Variants in PKD1 observed in about 807,000 individuals in gnomAD.
PKD1 encodes the protein polycystin-1.
Under a neutral mutation model 361.7 loss-of-function variants are expected in PKD1, and 81 were observed. The ratio of observed to expected loss-of-function variants is 0.22; its 90% CI spans 0.19 to 0.27. The LOEUF (loss-of-function observed/expected upper bound fraction) is 0.27. PKD1 is among the 10% of genes least tolerant of loss of function. The pLI is 1.00. For missense variants in PKD1, 6,399 were observed against 6,118.3 expected (o/e 1.05, Z -1.53); for synonymous variants, 3,615 against 2,818.3 (o/e 1.28, Z -8.95).
intron 1 of PKD1, among the ~76,000 whole-genome samples, chr16:2,120,442 A>G (rs941557163): frequency 2.0e-5 from 3 of 152,238 alleles, no homozygotes; most frequent in Admixed American, 1.3e-4. Flanking sequence ...GAAGAAAAGG[A>G]AACTGGGTGT....
rs533097116 is a variant in PKD1, at chr16:2,106,144, G to A, written c.7650C>T (p.Gly2550=). 16 of 1,606,746 alleles carry A rather than the reference G, an allele frequency of 1.0e-5. No individual in the cohort carries two copies. The highest frequency in any genetic ancestry group is 2.3e-4 in the Middle Eastern group (1 of 4,424). ...PPGFRPHFEV[G]LAVVVQDQLG... is the part of the protein sequence containing the mutation. ...GCTGGTCCTGCACCACCACGGCCAG[G>A]CCCACCTCGAAGTGTGGCCTGAAAC... is the stretch of plus-strand genomic sequence containing the variant. The change falls in exon 19 of 46, where the codon GGC becomes GGT. Residue 2550 remains glycine (G), a synonymous_variant. Coordinates refer to ENST00000262304, the MANE Select transcript of PKD1 (RefSeq NM_001009944.3). The surrounding 1 kb of genome is among the most constrained non-coding windows in gnomAD (Gnocchi z 6.5).
chr16:2,093,217 G>C lies in PKD1; in HGVS notation c.11017-124C>G, dbSNP rs79521529. Reference sequence around the variant, plus strand: ...GCAGGAAGGTGAGCTGGCAGGGGGCGCCCCAAGACTCTACCTGGCCAGGGT... The same window carrying C: ...GCAGGAAGGTGAGCTGGCAGGGGGCCCCCCAAGACTCTACCTGGCCAGGGT... On this transcript the variant is annotated intron_variant, in intron 37 of 45. Coordinates refer to ENST00000262304, the MANE Select transcript of PKD1 (RefSeq NM_001009944.3). 3.4e-6 allele frequency: 4 copies of C among 1,164,542 alleles called. No homozygotes were observed. In the African/African-American group the frequency reaches 6.0e-5, roughly 18 times the overall value. 72.1% of individuals were successfully genotyped at this position (1,164,542 alleles called of 1,614,324 possible).
At chr16:2,113,459 T>G (rs1035993426) in intron 11 of PKD1, 167 bp from the exon 12 acceptor site, 1 of 774,224 alleles carries the variant, frequency 1.3e-6, no homozygotes, top group African/African-American at 1.7e-5. Context: ...GCTGGGACAC[T>G]CACTGTCCGG....
intron 16 of PKD1, chr16:2,107,288 G>A (rs2092373809): frequency 2.5e-6 from 1 of 406,760 alleles, no homozygotes; most frequent in African/African-American, 2.1e-5. Flanking sequence ...TGCCACGTAG[G>A]CCTGACTCAC....
At chr16:2,132,232 A>G (rs1251099974) in intron 1 of PKD1, among the ~76,000 whole-genome samples, 1 of 150,984 alleles carries the variant, frequency 6.6e-6, no homozygotes, top group Non-Finnish European at 1.5e-5. Flanking sequence ...CCTGGGCAAC[A>G]AGAGCGAAAC....
rs1039241145 is a variant in PKD1 at position 2,118,323 on chromosome 16, G to A, written c.669C>T (p.Ala223=). 38 of 1,503,482 alleles carry A rather than the reference G, an allele frequency of 2.5e-5. No homozygotes were observed. Among genetic ancestry groups the A allele is most frequent in the Non-Finnish European group, 3.4e-5 (38 of 1,119,414 alleles). The allele number at this position is 1,503,482 out of a possible 1,614,324, so 93.1% of individuals were successfully genotyped here. Residue 223 remains alanine, a synonymous_variant, in exon 5 of 46, where the codon GCC becomes GCT. Coordinates refer to ENST00000262304, the MANE Select transcript of PKD1 (RefSeq NM_001009944.3). This position sits in a 1 kb window ranked among gnomAD's most constrained non-coding sequence, Gnocchi z 6.0. ...FCFSTGQGLA[A]LSEQGWCLCG... ...ACAGGCACCAGCCCTGCTCCGAGAG[G>A]GCTGCGAGGCCCTGGCCGGTGGAGA...
In PKD1 at chr16:2,099,695, G is replaced by C. The variant is rs752538319; in HGVS notation, c.9999C>G (p.Val3333=). The C allele has an allele frequency of 6.6e-5, 105 of 1,593,474 alleles. No individual in the cohort carries two copies. Among genetic ancestry groups the C allele is most frequent in the Non-Finnish European group, 8.3e-5 (98 of 1,176,364 alleles). The stretch of plus-strand genomic sequence containing the variant: ...AAAGGATGGCCAGGTAGACGGGATA[G>C]ACAACCACGCTGGACACCAGGCCAA... ...VAVGLVSSVV[V]YPVYLAILFL... is the part of the protein sequence containing the mutation. Residue 3333 remains valine, a synonymous_variant, in exon 30 of 46, where the codon GTC becomes GTG. Transcript: ENST00000262304.
chr16:2,123,629 G>A, intron 1 of PKD1: 1 of 430,918 alleles, frequency 2.3e-6, no homozygotes, highest in Non-Finnish European at 4.7e-6. Flanking sequence ...CTGATGCCCT[G>A]CCCCCACGTT....
chr16:2,088,792 C>T lies in PKD1; in HGVS notation c.*935G>A. 1 of 818,514 alleles carries T rather than the reference C, an allele frequency of 1.2e-6. No individual in the cohort carries two copies. Among genetic ancestry groups the T allele is most frequent in the Non-Finnish European group, 1.9e-6 (1 of 533,946 alleles). 50.7% of individuals were successfully genotyped at this position (818,514 alleles called of 1,614,324 possible). ...TCGAGGCTCTAGAAGCGGCCATGCC[C>T]ACAGAAGTGGTACACAGAAGCAGGC... On this transcript the variant is annotated 3_prime_UTR_variant, in exon 46 of 46. Coordinates refer to ENST00000262304, the MANE Select transcript of PKD1 (RefSeq NM_001009944.3).
At position 2,108,438 on chromosome 16, in the gene PKD1, C is replaced by G. The variant is rs1473861956; in HGVS notation, c.6729G>C (p.Gln2243His). Residue 2243 changes from glutamine to histidine, a missense_variant, in exon 15 of 46, where the codon CAG becomes CAC. Transcript: ENST00000262304. ...VVSFGDTPLTQSIQANVTVAP... is the reference protein window; with the variant it reads ...VVSFGDTPLTHSIQANVTVAP... ...CCACCGTCACATTGGCCTGGATGCTCTGTGTCAGTGGCGTGTCCCCAAATG... is the reference window on the plus strand; with the variant it reads ...CCACCGTCACATTGGCCTGGATGCTGTGTGTCAGTGGCGTGTCCCCAAATG... The G allele has an allele frequency of 1.1e-5, 17 of 1,610,430 alleles. No homozygotes were observed. Among genetic ancestry groups the G allele is most frequent in the Admixed American group, 3.3e-5 (2 of 59,998 alleles).
chr16:2,116,044 G>A lies in PKD1; in HGVS notation c.1797C>T (p.Leu599=), dbSNP rs1188887501. 2.0e-6 allele frequency: 3 copies of A among 1,532,884 alleles called. No homozygotes were observed. Among genetic ancestry groups the A allele is most frequent in the African/African-American group, 1.4e-5 (1 of 72,702 alleles). The allele number at this position is 1,532,884 out of a possible 1,614,324, so 95.0% of individuals were successfully genotyped here. Residue 599 remains leucine, a synonymous_variant, in exon 9 of 46, where the codon CTC becomes CTT. Transcript: ENST00000262304. ...GCAGCCGCAGCTGGGCGGGCCGCCG[G>A]AGCTCCTGGGTCCCAAATTCGGCCG... ...LTTAEFGTQE[L]RRPAQLRLQV... is the part of the protein sequence containing the mutation.
Position 2,106,596 on chromosome 16 carries a change from G to A in PKD1, c.7291C>T (p.Leu2431=). 1 of 1,598,406 alleles carries A rather than the reference G, an allele frequency of 6.3e-7. No homozygotes were observed. Among genetic ancestry groups the A allele is most frequent in the Non-Finnish European group, 8.5e-7 (1 of 1,179,120 alleles). The change falls in exon 18 of 46, where the codon CTG becomes TTG. Residue 2431 remains leucine, a synonymous_variant. Transcript: ENST00000262304. This position sits in a 1 kb window ranked among gnomAD's most constrained non-coding sequence, Gnocchi z 6.5. ...CGCAGCACGCCCCGCCGCAGCACCA[G>A]TCGCATGCCTGCACTGCCCGTGGAT... is the stretch of plus-strand genomic sequence containing the variant. ...TTSTGSAGMR[L]VLRRGVLRDG...
In PKD1 at chr16:2,119,199, G is replaced by A. The variant is rs2092684616; in HGVS notation, c.288-14C>T. 21 of 1,563,602 alleles carry A rather than the reference G, an allele frequency of 1.3e-5. No homozygotes were observed. The highest frequency in any genetic ancestry group is 1.7e-5 in the Non-Finnish European group (20 of 1,151,202). On this transcript the variant is annotated splice_polypyrimidine_tract_variant and intron_variant, in intron 2 of 45. Transcript: ENST00000262304. ...TTGCTTATATCCCTGGAAGAGACGG[G>A]GGATTCGGCAAAGCTGATGGAAGCC... is the stretch of plus-strand genomic sequence containing the variant.
At chr16:2,093,429 C>G in intron 37 of PKD1, 115 bp downstream of exon 37, 1 of 995,338 alleles carries the variant, frequency 1.0e-6, no homozygotes, top group South Asian at 1.5e-5. Flanking sequence ...GAGCATTGAA[C>G]CCCTAAGGGC....
chr16:2,088,794 C>T lies in PKD1; in HGVS notation c.*933G>A. The T allele has an allele frequency of 2.5e-6, 2 of 805,300 alleles. No individual in the cohort carries two copies. The highest frequency in any genetic ancestry group is 5.4e-5 in the East Asian group (2 of 37,034). 49.9% of individuals were successfully genotyped at this position (805,300 alleles called of 1,614,324 possible). ...GAGGCTCTAGAAGCGGCCATGCCCA[C>T]AGAAGTGGTACACAGAAGCAGGCAC... On this transcript the variant is annotated 3_prime_UTR_variant, in exon 46 of 46. Coordinates refer to ENST00000262304, the MANE Select transcript of PKD1 (RefSeq NM_001009944.3).
Position 2,110,605 on chromosome 16 carries a change from C to T in PKD1, c.4562G>A (p.Gly1521Asp), listed in dbSNP as rs1281902141. 1 of 1,610,732 alleles carries T rather than the reference C, an allele frequency of 6.2e-7. No homozygotes were observed. The highest frequency in any genetic ancestry group is 2.2e-5 in the East Asian group (1 of 44,876). Residue 1521 changes from glycine (G) to aspartate (D), a missense_variant, in exon 15 of 46, where the codon GGT becomes GAT. Gly to Asp is a moderately conservative substitution (Grantham distance 94). Transcript: ENST00000262304. ...PEVTHAYNST[G>D]DFTVRVAGWN... ...GCCGGCCACCCTAACGGTGAAGTCA[C>T]CTGTGCTGTTGTAAGCGTGGGTGAC...
Position 2,114,545 on chromosome 16 carries a change from G to A in PKD1, c.2478C>T (p.Val826=). The A allele has an allele frequency of 6.3e-7, 1 of 1,594,114 alleles. No homozygotes were observed. The highest frequency in any genetic ancestry group is 8.5e-7 in the Non-Finnish European group (1 of 1,178,842). Residue 826 remains valine (V), a synonymous_variant, in exon 11 of 46, where the codon GTC becomes GTT. Transcript: ENST00000262304. ...GGCCGTCGCGGGGGGCAGGGTAGATGACCCGCAGCCCAGCCACTGGGGAGA... is the reference window on the plus strand; with the variant it reads ...GGCCGTCGCGGGGGGCAGGGTAGATAACCCGCAGCCCAGCCACTGGGGAGA... The part of the protein sequence containing the change: ...DVVSPVAGLR[V]IYPAPRDGRL...
At chr16:2,125,724 G>A (rs542092375) in intron 1 of PKD1, among the ~76,000 whole-genome samples, 6 of 151,954 alleles carry the variant, frequency 3.9e-5, no homozygotes, top group East Asian at 1.9e-4. Flanking sequence ...CGCTGGGGTC[G>A]GGGCCACCCT....
rs779566448 is a variant in PKD1, at chr16:2,090,536, G to A, written c.12193C>T (p.Leu4065=). The A allele has an allele frequency of 1.2e-6, 2 of 1,610,008 alleles. No homozygotes were observed. Among genetic ancestry groups the A allele is most frequent in the East Asian group, 4.5e-5 (2 of 44,836 alleles). The change falls in exon 45 of 46, where the codon CTG becomes TTG. Residue 4065 remains leucine, a synonymous_variant. Coordinates refer to ENST00000262304, the MANE Select transcript of PKD1 (RefSeq NM_001009944.3). ...LWSVAQALLV[L]CPGTGLSTLC... Reference sequence around the variant, plus strand: ...GTAGAGAGCCCAGTCCCAGGGCACAGCACCAACAGGGCCTGGGCCACGCTC... The same window carrying A: ...GTAGAGAGCCCAGTCCCAGGGCACAACACCAACAGGGCCTGGGCCACGCTC...
Sources: allele counts gnomAD v4.1 joint callset (sites outside exome capture counted in the v4.1 genomes callset), GRCh38; gene constraint gnomAD v4.1.1; non-coding constraint Gnocchi (gnomAD v3.1); transcripts MANE v1.5; gene names NCBI Gene and HGNC (gene_info 2026-07-23, HGNC 2026-07-21).